MYO16: variants seen among roughly 807,000 people sequenced by gnomAD.
The protein encoded by MYO16 is unconventional myosin-XVI.
Under a neutral mutation model 205.3 loss-of-function variants are expected in MYO16, and 94 were observed. That is an observed-to-expected ratio of 0.46 (90% CI 0.39 to 0.54). The LOEUF (loss-of-function observed/expected upper bound fraction) is 0.54, where lower values mean the gene tolerates loss of function less well. Among genes scored for constraint, MYO16 ranks in the 20% least tolerant of loss-of-function variants. The pLI, the probability that MYO16 is intolerant of heterozygous loss-of-function variation, is 0.00. For synonymous variants in MYO16, 988 were observed against 954.0 expected, an observed-to-expected ratio of 1.04 and a Z score of -0.66; for missense variants, 2,315 against 2,387.5, an observed-to-expected ratio of 0.97 and a Z score of 0.63.
Position 109,094,642 on chromosome 13 carries a change from A to G in MYO16, c.3336-6143A>G, listed in dbSNP as rs1256104566. ...TTGCACCTATCAACCTGTCATCTAC[A>G]TTAGGTATTTCTTCTAATGCTATCC... On this transcript the variant is annotated intron_variant, in intron 27 of 34. Transcript: ENST00000457511. 3.3e-5 allele frequency among the ~76,000 whole-genome samples: 5 copies of G among 152,202 alleles called. 1 individual carries two copies. The highest frequency in any genetic ancestry group is 7.2e-5 in the African/African-American group (3 of 41,444).
At chr13:108,790,110 C>T (rs541093078) in intron 5 of MYO16, among the ~76,000 whole-genome samples, 14 of 152,112 alleles carry the variant, frequency 9.2e-5, no homozygotes, top group Admixed American at 3.3e-4. Context: ...AGAGAGGTGG[C>T]GCAGATCCTC....
intron 21 of MYO16, among the ~76,000 whole-genome samples, chr13:108,996,565 C>A (rs1885009260): frequency 6.6e-6 from 1 of 152,130 alleles, no homozygotes; most frequent in Non-Finnish European, 1.5e-5. Context: ...AAGTAGTTAC[C>A]TGTTTAAGGA....
intron 20 of MYO16, among the ~76,000 whole-genome samples, chr13:108,990,275 A>G (rs1884785634): frequency 6.6e-6 from 1 of 152,146 alleles, no homozygotes; most frequent in African/African-American, 2.4e-5. Context: ...GCATATCATA[A>G]GGAGGGCAGG....
chr13:108,998,916 A>G (rs568371334), intron 21 of MYO16, among the ~76,000 whole-genome samples: 7 of 152,340 alleles, frequency 4.6e-5, no homozygotes, highest in Admixed American at 3.3e-4. Context: ...AAGGAGAAAC[A>G]CATGCGGAAG....
chr13:109,149,343 C>G lies in MYO16; in HGVS notation c.5164+7967C>G, dbSNP rs536454754. Among the ~76,000 whole-genome samples the G allele has an allele frequency of 2.8e-4, 43 of 152,256 alleles. No individual in the cohort carries two copies. The South Asian group carries it at 5.8e-3, about 21-fold the overall frequency. ...TGACGTCTCCTTTCTCCCCCTGGAC[C>G]CTTGCGTCTCAGTGAGGCGGGTAAA... On this transcript the variant is annotated intron_variant, in intron 32 of 34. Transcript: ENST00000457511.
chr13:108,615,341 A>G (rs553460559), intron 1 of MYO16, among the ~76,000 whole-genome samples: 10 of 152,130 alleles, frequency 6.6e-5, no homozygotes, highest in Admixed American at 1.3e-4. Context: ...AAACCCTAAT[A>G]CACTGGTAGT....
chr13:108,958,126 T>G (rs1883447248), intron 17 of MYO16, among the ~76,000 whole-genome samples: 2 of 147,812 alleles, frequency 1.4e-5, no homozygotes, highest in South Asian at 4.2e-4. Flanking sequence ...ATATATACAT[T>G]ATATATATTT....
At chr13:108,558,828 G>A in the MYO16 span, among the ~76,000 whole-genome samples, 6 of 152,164 alleles carry the variant, frequency 3.9e-5, no homozygotes, top group Non-Finnish European at 5.9e-5. Flanking sequence ...GGGTATCTGT[G>A]TGGAGAGACA....
chr13:108,581,831 A>T, the MYO16 span, among the ~76,000 whole-genome samples: 2 of 150,534 alleles, frequency 1.3e-5, no homozygotes, highest in African/African-American at 4.9e-5. Context: ...GTGAGCTGAG[A>T]TCATGCCGTT....
chr13:109,146,798 AAGAAAGAAAGAAGAG>A (rs1169965138), intron 32 of MYO16, among the ~76,000 whole-genome samples: 2 of 151,980 alleles, frequency 1.3e-5, no homozygotes, highest in Non-Finnish European at 2.9e-5. Flanking sequence ...ACTGCCCAGA[AAGAAAGAAAGAAGAG>A]AGAAAGAAAG....
chr13:109,184,722 A>C (rs1040196082), intron 34 of MYO16, among the ~76,000 whole-genome samples: 1 of 151,318 alleles, frequency 6.6e-6, no homozygotes, highest in African/African-American at 2.4e-5. Context: ...TCAGCCTCCC[A>C]AGTAGTTGGG....
intron 27 of MYO16, among the ~76,000 whole-genome samples, chr13:109,067,087 T>C (rs1349559135): frequency 1.3e-5 from 2 of 152,166 alleles, no homozygotes; most frequent in African/African-American, 4.8e-5. Flanking sequence ...GGAGTCTGCA[T>C]GAATGCAGCA....
At chr13:108,686,074 G>A (rs189265852) in intron 2 of MYO16, among the ~76,000 whole-genome samples, 1 of 152,344 alleles carries the variant, frequency 6.6e-6, no homozygotes, top group Admixed American at 6.5e-5. Flanking sequence ...AGACCTGGTA[G>A]GAAATGTTTC....
In MYO16 at chr13:109,047,267, A is replaced by G. The variant is rs567114871; in HGVS notation, c.2872+276A>G. On this transcript the variant is annotated intron_variant, in intron 24 of 34. Transcript: ENST00000457511. Reference sequence around the variant, plus strand: ...ACTACTTTAGTGGGTTGAATATAGAAAAGCTTTTCTGTGAAGACTAATGAA... The same window carrying G: ...ACTACTTTAGTGGGTTGAATATAGAGAAGCTTTTCTGTGAAGACTAATGAA... 2.6e-5 allele frequency among the ~76,000 whole-genome samples: 4 copies of G among 152,292 alleles called. No individual in the cohort carries two copies. In the East Asian group the frequency reaches 7.7e-4, roughly 29 times the overall value.
the MYO16 span, among the ~76,000 whole-genome samples, chr13:108,546,652 C>T: frequency 6.6e-6 from 1 of 152,048 alleles, no homozygotes; most frequent in Non-Finnish European, 1.5e-5. Context: ...AATAGCATTT[C>T]ACGGATACCT....
At position 109,051,123 on chromosome 13, in the gene MYO16, C is replaced by A. The variant is rs559538900; in HGVS notation, c.2873-1177C>A. On this transcript the variant is annotated intron_variant, in intron 24 of 34. Coordinates refer to ENST00000457511, the MANE Select transcript of MYO16 (RefSeq NM_001198950.3). ...AACATATAGGTGTATAGATCTGTAA[C>A]TCTGTATTAAGAATCATGGATTTCT... is the stretch of plus-strand genomic sequence containing the variant. Among the ~76,000 whole-genome samples the A allele has an allele frequency of 2.0e-5, 3 of 152,236 alleles. No individual in the cohort carries two copies. In the East Asian group the frequency reaches 5.8e-4, roughly 29 times the overall value.
chr13:109,021,027 T>TA (rs1023660834), intron 23 of MYO16, among the ~76,000 whole-genome samples: 2 of 152,264 alleles, frequency 1.3e-5, no homozygotes, highest in African/African-American at 2.4e-5. Flanking sequence ...ATGCGTGGCT[T>TA]AAAAAATGTG....
chr13:108,558,753 C>A, the MYO16 span, among the ~76,000 whole-genome samples: 4 of 152,166 alleles, frequency 2.6e-5, no homozygotes, highest in Non-Finnish European at 4.4e-5. Context: ...AGGGTTATGA[C>A]CTTGGGATTC....
intron 10 of MYO16, among the ~76,000 whole-genome samples, chr13:108,851,559 C>T (rs547958043): frequency 1.4e-4 from 21 of 152,180 alleles, no homozygotes; most frequent in Admixed American, 2.6e-4. Flanking sequence ...TCCTGGACTG[C>T]GTAAAAATTA....
Sources: allele counts gnomAD v4.1 joint callset (sites outside exome capture counted in the v4.1 genomes callset), GRCh38; gene constraint gnomAD v4.1.1; transcripts MANE v1.5; gene names NCBI Gene and HGNC (gene_info 2026-07-23, HGNC 2026-07-21).